The following PDE4B variants were observed in gnomAD, a reference collection of about 807,000 sequenced individuals.
PDE4B encodes 3',5'-cyclic-AMP phosphodiesterase 4B.
In PDE4B, 20 loss-of-function variants were observed where a neutral mutation model predicts 82.2. The ratio of observed to expected loss-of-function variants is 0.24; its 90% confidence interval spans 0.17 to 0.35. The LOEUF (loss-of-function observed/expected upper bound fraction) is 0.35. Among genes scored for constraint, PDE4B ranks in the 10% least tolerant of loss-of-function variants. PDE4B has a pLI of 1.00. For missense variants in PDE4B, 655 were observed against 907.2 expected, an observed-to-expected ratio of 0.72 and a Z score of 3.57; for synonymous variants, 320 against 318.9, an observed-to-expected ratio of 1.00 and a Z score of -0.04.
intron 1 of PDE4B, among the ~76,000 whole-genome samples, chr1:65,878,625 T>G (rs1304657242): frequency 6.6e-6 from 1 of 151,912 alleles, no homozygotes; most frequent in Non-Finnish European, 1.5e-5. Flanking sequence ...GCAAATTAAC[T>G]CAGGAACAGA....
Position 66,374,080 on chromosome 1 carries a change from A to G in PDE4B, c.*1402A>G, listed in dbSNP as rs1191846176. On this transcript the variant is annotated 3_prime_UTR_variant, in exon 17 of 17. Transcript: ENST00000341517. ...ATGAGTTGGGTTATAACTGGATCCT[A>G]CTATCATTGTGGCTTTGGTTCAAAA... The G allele has an allele frequency of 2.0e-5, 3 of 152,648 alleles. No homozygotes were observed. Among genetic ancestry groups the G allele is most frequent in the African/African-American group, 7.2e-5 (3 of 41,452 alleles). 9.5% of individuals were successfully genotyped at this position (152,648 alleles called of 1,614,324 possible).
At chr1:65,819,995 G>A (rs964732924) in intron 1 of PDE4B, among the ~76,000 whole-genome samples, 1 of 152,160 alleles carries the variant, frequency 6.6e-6, no homozygotes, top group Non-Finnish European at 1.5e-5. Context: ...AAAAGACTAC[G>A]ATTTGGTTGG....
chr1:66,269,948 A>C (rs1655343785), intron 7 of PDE4B, among the ~76,000 whole-genome samples: 1 of 152,188 alleles, frequency 6.6e-6, no homozygotes. Flanking sequence ...GCTCTCTACT[A>C]AATTTCTTTT....
intron 1 of PDE4B, among the ~76,000 whole-genome samples, chr1:65,805,798 T>C (rs1346125622): frequency 6.6e-6 from 1 of 152,250 alleles, no homozygotes; most frequent in African/African-American, 2.4e-5. Flanking sequence ...GTCTGTTGGC[T>C]GTCATTTTAG....
At chr1:66,159,050 ATGTAT>A (rs1646557731) in intron 3 of PDE4B, among the ~76,000 whole-genome samples, 2 of 152,174 alleles carry the variant, frequency 1.3e-5, no homozygotes, top group South Asian at 2.1e-4. Flanking sequence ...CGTAATAAAA[ATGTAT>A]TGTATATTTC....
In PDE4B at chr1:66,020,465, T is replaced by A. The variant is rs1427547541; in HGVS notation, c.281+101630T>A. Among the ~76,000 whole-genome samples, 6 of 147,290 alleles carry A rather than the reference T, an allele frequency of 4.1e-5. No individual in the cohort carries two copies. The East Asian group carries it at 1.3e-3, about 31-fold the overall frequency. On this transcript the variant is annotated intron_variant, in intron 3 of 16. Coordinates refer to ENST00000341517, the MANE Select transcript of PDE4B (RefSeq NM_002600.4). The stretch of plus-strand genomic sequence containing the variant: ...ATCTCCTAATGCTATCCCTCCTCCC[T>A]CCCCCCACCCCATGGACAGGCCCTG...
chr1:66,148,584 A>G (rs1646321330), intron 3 of PDE4B, among the ~76,000 whole-genome samples: 1 of 152,148 alleles, frequency 6.6e-6, no homozygotes. Context: ...ATCATCAACC[A>G]CATTTAAGTT....
chr1:66,052,866 C>G (rs980333624), intron 3 of PDE4B, among the ~76,000 whole-genome samples: 3 of 152,158 alleles, frequency 2.0e-5, no homozygotes, highest in Non-Finnish European at 4.4e-5. Flanking sequence ...AGAAGGCAGG[C>G]TGATGGGCAG....
chr1:65,928,878 C>G (rs537979739), intron 3 of PDE4B, among the ~76,000 whole-genome samples: 3 of 152,290 alleles, frequency 2.0e-5, no homozygotes, highest in Admixed American at 6.5e-5. Context: ...CATTTTTTAA[C>G]TCACCAAGCT....
chr1:66,088,295 G>A (rs1173025126), intron 3 of PDE4B, among the ~76,000 whole-genome samples: 1 of 152,004 alleles, frequency 6.6e-6, no homozygotes, highest in African/African-American at 2.4e-5. Flanking sequence ...CAGGAAGTTA[G>A]TAAGTCAGTT....
chr1:66,171,895 A>C (rs572704864), intron 3 of PDE4B, among the ~76,000 whole-genome samples: 1 of 152,344 alleles, frequency 6.6e-6, no homozygotes, highest in African/African-American at 2.4e-5. Context: ...ATGTAAAAGT[A>C]CTTAGCGCAG....
At chr1:65,972,370 AT>A (rs1650190259) in intron 3 of PDE4B, among the ~76,000 whole-genome samples, 1 of 151,840 alleles carries the variant, frequency 6.6e-6, no homozygotes, top group Non-Finnish European at 1.5e-5. Context: ...GTCAATTGGG[AT>A]TATGCATTTG....
At chr1:66,330,120 C>G (rs762641528) in intron 7 of PDE4B, among the ~76,000 whole-genome samples, 1 of 152,242 alleles carries the variant, frequency 6.6e-6, no homozygotes, top group Admixed American at 6.5e-5. Context: ...AAAGTGGACA[C>G]AAAGTCTTGA....
intron 3 of PDE4B, among the ~76,000 whole-genome samples, chr1:66,138,670 T>C (rs867924522): frequency 1.4e-4 from 21 of 152,344 alleles, no homozygotes; most frequent in South Asian, 4.1e-4. Flanking sequence ...ACAACACTAA[T>C]GGCTAACAGG....
At chr1:66,141,621 G>A (rs2101149102) in intron 3 of PDE4B, among the ~76,000 whole-genome samples, 1 of 152,042 alleles carries the variant, frequency 6.6e-6, no homozygotes, top group South Asian at 2.1e-4. Flanking sequence ...GAAAGTTATA[G>A]CCTCCTGGGC....
intron 1 of PDE4B, among the ~76,000 whole-genome samples, chr1:65,896,770 C>A (rs1172832176): frequency 6.6e-6 from 1 of 152,072 alleles, no homozygotes; most frequent in Non-Finnish European, 1.5e-5. Context: ...TATGATTCGT[C>A]CTTTTGTGGT....
At chr1:66,139,078 A>G (rs1489456092) in intron 3 of PDE4B, among the ~76,000 whole-genome samples, 1 of 152,196 alleles carries the variant, frequency 6.6e-6, no homozygotes, top group African/African-American at 2.4e-5. Context: ...TTTGTTTTCT[A>G]TTGTTGATGT....
At chr1:66,010,550 T>C (rs1317425262) in intron 3 of PDE4B, among the ~76,000 whole-genome samples, 1 of 151,432 alleles carries the variant, frequency 6.6e-6, no homozygotes, top group Non-Finnish European at 1.5e-5. Flanking sequence ...TCATACATAA[T>C]GGGCATTAAG....
intron 4 of PDE4B, chr1:66,257,429 C>T: frequency 2.7e-6 from 2 of 747,352 alleles, no homozygotes; most frequent in Non-Finnish European, 5.0e-6. Context: ...TGTGTAGTCA[C>T]TGTAAATTCA....
Sources: allele counts gnomAD v4.1 joint callset (sites outside exome capture counted in the v4.1 genomes callset), GRCh38; gene constraint gnomAD v4.1.1; transcripts MANE v1.5; gene names NCBI Gene and HGNC (gene_info 2026-07-23, HGNC 2026-07-21).